Variants in NDST4 observed in about 807,000 individuals in gnomAD.
NDST4 encodes N-heparan sulfate sulfotransferase 4.
A neutral mutation model predicts 100.8 loss-of-function variants in NDST4; 63 were observed. The ratio of observed to expected loss-of-function variants is 0.62; its 90% CI spans 0.51 to 0.77. The LOEUF (loss-of-function observed/expected upper bound fraction) is 0.77, where lower values mean the gene tolerates loss of function less well. Among genes scored for constraint, NDST4 ranks in the 30% least tolerant of loss-of-function variants. The pLI, the probability that NDST4 is intolerant of heterozygous loss-of-function variation, is 0.00. For synonymous variants in NDST4, 377 were observed against 361.8 expected, an observed-to-expected ratio of 1.04 and a Z score of -0.48; for missense variants, 943 against 1,018.4, an observed-to-expected ratio of 0.93 and a Z score of 1.01.
At position 114,839,411 on chromosome 4, in the gene NDST4, T is replaced by A; in HGVS notation, c.2253A>T (p.Ile751=). 3 of 1,613,070 alleles carry A rather than the reference T, an allele frequency of 1.9e-6. No individual in the cohort carries two copies. The highest frequency in any genetic ancestry group is 2.5e-6 in the Non-Finnish European group (3 of 1,179,314). ...CLVPGWYAVH[I]ERWLTYFATS... ...TAGCAAAGTAAGTTAGCCATCTTTCTATGTGGACTGCATACCATCCAGGTA... is the reference window on the plus strand; with the variant it reads ...TAGCAAAGTAAGTTAGCCATCTTTCAATGTGGACTGCATACCATCCAGGTA... Residue 751 remains isoleucine, a synonymous_variant, in exon 11 of 14, where the codon ATA becomes ATT. Transcript: ENST00000264363.
At chr4:115,067,452 G>C (rs1370475648) in intron 2 of NDST4, among the ~76,000 whole-genome samples, 1 of 151,614 alleles carries the variant, frequency 6.6e-6, no homozygotes, top group African/African-American at 2.4e-5. Context: ...CTCATCTTCT[G>C]TACTAACGTT....
At chr4:115,108,597 C>T (rs1243293553) in intron 1 of NDST4, among the ~76,000 whole-genome samples, 1 of 151,490 alleles carries the variant, frequency 6.6e-6, no homozygotes, top group East Asian at 1.9e-4. Flanking sequence ...CACTAAGGTG[C>T]ATCTGCTATA....
intron 4 of NDST4, among the ~76,000 whole-genome samples, chr4:114,955,371 A>G (rs1041546097): frequency 3.9e-5 from 6 of 152,312 alleles, no homozygotes; most frequent in Admixed American, 3.9e-4. Flanking sequence ...AGTACCAATC[A>G]TTAAAAAAGC....
intron 2 of NDST4, among the ~76,000 whole-genome samples, chr4:115,045,494 G>A (rs495990): frequency 0.26 from 40,079 of 152,006 alleles, 7,679 homozygotes; most frequent in African/African-American, 0.52. Context: ...TGATCCCTGA[G>A]AAGACTGGCT....
At chr4:115,007,294 T>C (rs1477768411) in intron 2 of NDST4, among the ~76,000 whole-genome samples, 2 of 152,188 alleles carry the variant, frequency 1.3e-5, no homozygotes, top group African/African-American at 4.8e-5. Flanking sequence ...TTAACCCTTA[T>C]ATTTCTGTTT....
intron 2 of NDST4, among the ~76,000 whole-genome samples, chr4:115,022,479 C>CATATATATATGTTCCATAT (rs562372664): frequency 1.5e-5 from 2 of 137,482 alleles, no homozygotes; most frequent in Non-Finnish European, 1.6e-5. Flanking sequence ...ATATGTGTTC[C>CATATATATATGTTCCATAT]ATATATATGT....
intron 2 of NDST4, among the ~76,000 whole-genome samples, chr4:114,997,699 T>A (rs547796819): frequency 3.9e-5 from 6 of 152,222 alleles, no homozygotes; most frequent in Admixed American, 1.3e-4. Flanking sequence ...TAAATAAACA[T>A]GCACAATGCC....
At chr4:115,032,358 T>C (rs576886545) in intron 2 of NDST4, among the ~76,000 whole-genome samples, 1 of 152,276 alleles carries the variant, frequency 6.6e-6, no homozygotes, top group Non-Finnish European at 1.5e-5. Flanking sequence ...ATGATTTTTA[T>C]GTAAGAACTA....
At chr4:114,873,173 A>G (rs1384445127) in intron 6 of NDST4, among the ~76,000 whole-genome samples, 1 of 151,788 alleles carries the variant, frequency 6.6e-6, no homozygotes, top group African/African-American at 2.4e-5. Context: ...CACTCATCAT[A>G]TTTCTAGTCC....
intron 6 of NDST4, among the ~76,000 whole-genome samples, chr4:114,893,700 C>T (rs968060216): frequency 1.3e-5 from 2 of 152,068 alleles, no homozygotes; most frequent in African/African-American, 4.8e-5. Flanking sequence ...TGCCTATTCA[C>T]TCTGATGATA....
chr4:114,940,732 T>C (rs1725731658), intron 4 of NDST4, among the ~76,000 whole-genome samples: 1 of 152,174 alleles, frequency 6.6e-6, no homozygotes, highest in African/African-American at 2.4e-5. Flanking sequence ...TCAGGTCCTA[T>C]GAAGGAATTG....
intron 2 of NDST4, among the ~76,000 whole-genome samples, chr4:115,068,816 A>G (rs1729007908): frequency 1.1e-5 from 1 of 87,544 alleles, no homozygotes; most frequent in Non-Finnish European, 2.0e-5. Context: ...GCTCCATCTC[A>G]AAAAAAAAAA....
intron 2 of NDST4, among the ~76,000 whole-genome samples, chr4:115,011,002 A>G (rs1220221008): frequency 6.6e-6 from 1 of 152,066 alleles, no homozygotes; most frequent in Admixed American, 6.6e-5. Flanking sequence ...GCCTATGTTG[A>G]TCTTTTCACA....
intron 2 of NDST4, among the ~76,000 whole-genome samples, chr4:115,021,686 T>G (rs1016680009): frequency 1.4e-5 from 2 of 145,424 alleles, no homozygotes; most frequent in Admixed American, 6.9e-5. Flanking sequence ...ATTCCATATA[T>G]ATACACGTTC....
chr4:115,066,274 T>G lies in NDST4; in HGVS notation c.978+9785A>C, dbSNP rs184657924. Among the ~76,000 whole-genome samples, 379 of 152,320 alleles carry G rather than the reference T, an allele frequency of 2.5e-3. 1 individual carries two copies. Among genetic ancestry groups the G allele is most frequent in the African/African-American group, 7.6e-3 (316 of 41,574 alleles). On this transcript the variant is annotated intron_variant, in intron 2 of 13. Coordinates refer to ENST00000264363, the MANE Select transcript of NDST4 (RefSeq NM_022569.3). ...TAATTCTTATTTTAAAATGTACTTTTATACAATTTTGGCAATTTTTTAAGT... is the reference window on the plus strand; with the variant it reads ...TAATTCTTATTTTAAAATGTACTTTGATACAATTTTGGCAATTTTTTAAGT...
chr4:115,022,073 G>A (rs942562718), intron 2 of NDST4, among the ~76,000 whole-genome samples: 15 of 147,430 alleles, frequency 1.0e-4, no homozygotes, highest in African/African-American at 3.0e-4. Flanking sequence ...TACATTCCAC[G>A]TCTATACACG....
intron 2 of NDST4, among the ~76,000 whole-genome samples, chr4:115,051,061 T>C (rs909203268): frequency 2.6e-5 from 4 of 152,236 alleles, no homozygotes; most frequent in African/African-American, 7.2e-5. Flanking sequence ...GAATTATTTA[T>C]AAATTGTAAG....
intron 2 of NDST4, among the ~76,000 whole-genome samples, chr4:115,003,349 T>C (rs2620417): frequency 0.34 from 52,158 of 152,002 alleles, 9,072 homozygotes; most frequent in Middle Eastern, 0.49. Flanking sequence ...GTGATAACAG[T>C]GATCTTATAT....
chr4:114,964,418 G>T (rs1726335286), intron 4 of NDST4, among the ~76,000 whole-genome samples: 2 of 152,244 alleles, frequency 1.3e-5, no homozygotes, highest in African/African-American at 2.4e-5. Context: ...ATTAAAGTGT[G>T]TTTTAGGTCT....
Sources: gnomAD v4.1 joint callset for allele counts (sites outside exome capture counted in the v4.1 genomes callset) on GRCh38, gnomAD v4.1.1 for gene constraint, MANE v1.5 for transcripts, NCBI Gene and HGNC (gene_info 2026-07-23, HGNC 2026-07-21) for gene names.